The following DENND4A variants were observed in gnomAD, a reference collection of about 807,000 sequenced individuals.
The protein encoded by DENND4A is DENN domain containing 4A, also known as C-myc promoter-binding protein.
Under a neutral mutation model 199.3 loss-of-function variants are expected in DENND4A, and 70 were observed. The observed-to-expected ratio is 0.35, with a 90% CI of 0.29 to 0.43. The LOEUF is 0.43. Ranked by LOEUF, DENND4A falls within the 20% of genes least tolerant of loss-of-function variation. The pLI is 1.00. For synonymous variants in DENND4A, 686 were observed against 766.9 expected (o/e 0.89, Z 1.74); for missense variants, 1,723 against 2,255.8 (o/e 0.76, Z 4.78).
chr15:65,719,719 T>C (rs1454436796), intron 12 of DENND4A, among the ~76,000 whole-genome samples: 1 of 132,112 alleles, frequency 7.6e-6, no homozygotes, highest in Non-Finnish European at 1.5e-5. Context: ...TGAGATCCCA[T>C]CTCTACAGAA....
At chr15:65,698,190 G>A (rs1244876893) in intron 20 of DENND4A, among the ~76,000 whole-genome samples, 1 of 152,140 alleles carries the variant, frequency 6.6e-6, no homozygotes, top group African/African-American at 2.4e-5. Flanking sequence ...GATCACTTGA[G>A]CTCAGGAGTT....
intron 23 of DENND4A, among the ~76,000 whole-genome samples, chr15:65,683,869 C>T (rs1004020220): frequency 6.6e-6 from 1 of 152,164 alleles, no homozygotes; most frequent in Non-Finnish European, 1.5e-5. Context: ...ATACCTCATG[C>T]CCATTTACAG....
chr15:65,706,032 C>A (rs947935757), intron 15 of DENND4A, 59 bp downstream of exon 15: 1 of 1,426,594 alleles, frequency 7.0e-7, no homozygotes. Flanking sequence ...TAGAAAGCTA[C>A]GTCACAGATG....
chr15:65,720,982 T>TATATATATATATA (rs71447856), intron 12 of DENND4A, among the ~76,000 whole-genome samples: 139 of 123,564 alleles, frequency 1.1e-3, no homozygotes, highest in South Asian at 2.1e-3. Context: ...TATATATATA[T>TATATATATATATA]TTGTACTTTT....
Position 65,691,440 on chromosome 15 carries a change from A to G in DENND4A, c.3154T>C (p.Cys1052Arg), listed in dbSNP as rs771829081. 6.2e-7 allele frequency: 1 copy of G among 1,613,190 alleles called. No homozygotes were observed. The highest frequency in any genetic ancestry group is 8.5e-7 in the Non-Finnish European group (1 of 1,179,632). The stretch of plus-strand genomic sequence containing the variant: ...TCACTTTTATGTCTTTTCCTGAAGC[A>G]TCTACTTTGAATGTTTCGTGTTTCA... ...TNETRNIQSRCFRKRHKSDNE... is the reference protein window; with the variant it reads ...TNETRNIQSRRFRKRHKSDNE... Residue 1052 changes from cysteine to arginine, a missense_variant, in exon 23 of 33, where the codon TGC becomes CGC. Coordinates refer to ENST00000443035, the MANE Select transcript of DENND4A (RefSeq NM_001320835.1).
chr15:65,752,361 T>TGCAA lies in DENND4A; in HGVS notation c.561+14_561+17dup. The TGCAA allele has an allele frequency of 7.0e-7, 1 of 1,428,716 alleles. No homozygotes were observed. Among genetic ancestry groups the TGCAA allele is most frequent in the African/African-American group, 1.5e-5 (1 of 67,942 alleles). 88.5% of individuals were successfully genotyped at this position (1,428,716 alleles called of 1,614,324 possible). On this transcript the variant is annotated intron_variant, in intron 4 of 32. Transcript: ENST00000443035. Reference sequence around the variant, plus strand: ...TTTCATCAGTGGTTAATGTTACCAGTGCAAGTAAGTCACTTACCATACTGT... The same window carrying TGCAA: ...TTTCATCAGTGGTTAATGTTACCAGTGCAAGCAAGTAAGTCACTTACCATACTGT...
chr15:65,682,261 TTGTTTAGTATAGCCACCTTCA>T (rs1351952742), intron 23 of DENND4A, among the ~76,000 whole-genome samples: 1 of 152,220 alleles, frequency 6.6e-6, no homozygotes, highest in Non-Finnish European at 1.5e-5. Context: ...TGAAAATCTG[TTGTTTAGTATAGCCACCTTCA>T]TCAGTGACCT....
chr15:65,682,683 T>C (rs1392698514), intron 23 of DENND4A, among the ~76,000 whole-genome samples: 2 of 152,228 alleles, frequency 1.3e-5, no homozygotes, highest in Admixed American at 6.5e-5. Context: ...TCGGCCTTTC[T>C]TGGCTTTTGA....
At chr15:65,737,978 C>T in intron 6 of DENND4A, 33 bp from the exon 7 acceptor site, 1 of 1,531,218 alleles carries the variant, frequency 6.5e-7, no homozygotes. Flanking sequence ...AGTAAATATA[C>T]TTTGTATCAT....
chr15:65,741,132 G>A (rs899735421), intron 5 of DENND4A, among the ~76,000 whole-genome samples: 9 of 152,082 alleles, frequency 5.9e-5, no homozygotes, highest in African/African-American at 2.2e-4. Flanking sequence ...TGCCCAGGCT[G>A]GTCTTGAACT....
rs1423121446 is a variant in DENND4A, at chr15:65,738,862, T to C, written c.645A>G (p.Arg215=). The C allele has an allele frequency of 6.3e-7, 1 of 1,592,242 alleles. No individual in the cohort carries two copies. The highest frequency in any genetic ancestry group is 1.8e-5 in the Admixed American group (1 of 56,506). The change falls in exon 6 of 33, where the codon AGA becomes AGG. Residue 215 remains arginine, a synonymous_variant. Coordinates refer to ENST00000443035, the MANE Select transcript of DENND4A (RefSeq NM_001320835.1). ...ATGACTCATAATCTTCTTGAGGATA[T>C]CTACAAATTAGGCCTATAAAAACAA... ...TVSYKAGLIC[R]YPQEDYESFS... is the part of the protein sequence containing the mutation.
intron 4 of DENND4A, among the ~76,000 whole-genome samples, chr15:65,749,448 A>T (rs1049154167): frequency 6.6e-6 from 1 of 152,196 alleles, no homozygotes; most frequent in African/African-American, 2.4e-5. Flanking sequence ...AGCTAAATAA[A>T]TGTAACTTGT....
chr15:65,767,086 C>T (rs1162908519), intron 1 of DENND4A, among the ~76,000 whole-genome samples: 1 of 152,178 alleles, frequency 6.6e-6, no homozygotes. Context: ...TTTTGATTCT[C>T]TCACATGCAT....
chr15:65,729,328 T>C (rs1475390409), intron 10 of DENND4A, 81 bp from the exon 11 acceptor site: 87 of 1,465,256 alleles, frequency 5.9e-5, no homozygotes, highest in Non-Finnish European at 8.0e-5. Flanking sequence ...AAAACTGTCT[T>C]TTAAGTATTA....
intron 4 of DENND4A, among the ~76,000 whole-genome samples, chr15:65,744,879 G>C (rs185927512): frequency 6.6e-6 from 1 of 152,316 alleles, no homozygotes; most frequent in East Asian, 1.9e-4. Context: ...CAGGTGACAA[G>C]AGGTGACAAG....
chr15:65,671,015 G>A (rs867007228), intron 25 of DENND4A, among the ~76,000 whole-genome samples: 1 of 152,104 alleles, frequency 6.6e-6, no homozygotes, highest in African/African-American at 2.4e-5. Context: ...GGATACAAAC[G>A]CTTACCCAGC....
Position 65,715,459 on chromosome 15 carries a change from T to C in DENND4A, c.1953+19A>G, listed in dbSNP as rs2075370344. ...TCACACAAAATAAGTTAGGGCATTG[T>C]AGATGTACTGTTACTTACTTTATCT... On this transcript the variant is annotated intron_variant, in intron 14 of 32. Coordinates refer to ENST00000443035, the MANE Select transcript of DENND4A (RefSeq NM_001320835.1). 2 of 1,597,560 alleles carry C rather than the reference T, an allele frequency of 1.3e-6. No individual in the cohort carries two copies. The highest frequency in any genetic ancestry group is 1.4e-5 in the African/African-American group (1 of 73,990).
intron 1 of DENND4A, among the ~76,000 whole-genome samples, chr15:65,776,552 T>G (rs941341291): frequency 4.6e-5 from 7 of 152,206 alleles, no homozygotes; most frequent in Admixed American, 3.3e-4. Context: ...TTTTAGAAAG[T>G]CTATTTACCT....
intron 23 of DENND4A, among the ~76,000 whole-genome samples, chr15:65,688,424 A>T (rs1004069525): frequency 1.3e-5 from 2 of 152,294 alleles, no homozygotes; most frequent in South Asian, 4.1e-4. Flanking sequence ...TTTATCTTGG[A>T]CACTGAATAT....
Sources: gnomAD v4.1 joint callset for allele counts (sites outside exome capture counted in the v4.1 genomes callset) on GRCh38, gnomAD v4.1.1 for gene constraint, MANE v1.5 for transcripts, NCBI Gene and HGNC (gene_info 2026-07-23, HGNC 2026-07-21) for gene names.